Variants in LTC4S observed in about 807,000 individuals in gnomAD.
The protein encoded by LTC4S is LTC4 synthase.
LTC4S carries 18 observed loss-of-function variants against 19.6 expected under a neutral mutation model. That is an observed-to-expected ratio of 0.92 (90% CI 0.64 to 1.36). The LOEUF is 1.36. LTC4S is among the 40% of genes most tolerant of loss of function. The probability of loss-of-function intolerance (pLI) is 0.00; values close to 1 mark genes in which losing one functional copy is unlikely to be tolerated. For synonymous variants in LTC4S, 126 were observed against 110.1 expected (o/e 1.14, Z -0.91); for missense variants, 235 against 212.2 (o/e 1.11, Z -0.67).
chr5:179,796,463 C>T lies in LTC4S; in HGVS notation c.*69C>T. On this transcript the variant is annotated 3_prime_UTR_variant, in exon 5 of 5. Transcript: ENST00000292596. ...AGCCTCCAGCTGCCCCGGGGAGGGG[C>T]GCTCGCTTCCGCATCCTAGTCTCTA... The T allele has an allele frequency of 1.4e-6, 2 of 1,411,394 alleles. No homozygotes were observed. Among genetic ancestry groups the T allele is most frequent in the Admixed American group, 3.2e-5 (1 of 31,376 alleles). The allele number at this position is 1,411,394 out of a possible 1,614,324, so 87.4% of individuals were successfully genotyped here. A position where few individuals can be genotyped will look rare whatever the true frequency, so the allele number is the denominator to read the frequency against.
At chr5:179,796,222 G>A (rs1400735995) in intron 4 of LTC4S, 31 bp from the exon 5 acceptor site, 10 of 1,424,724 alleles carry the variant, frequency 7.0e-6, no homozygotes, top group Non-Finnish European at 9.2e-6. Flanking sequence ...GGGCCTCCTC[G>A]CGCCACCTCC....
intron 2 of LTC4S, 43 bp downstream of exon 2, chr5:179,795,726 G>A (rs752896378): frequency 2.6e-6 from 4 of 1,564,176 alleles, no homozygotes. Flanking sequence ...GCGAGCCCCA[G>A]GCGGGTCCGG....
chr5:179,796,531 G>A lies in LTC4S; in HGVS notation c.*137G>A, dbSNP rs1466801850. On this transcript the variant is annotated 3_prime_UTR_variant, in exon 5 of 5. Transcript: ENST00000292596. ...ACCGAGACCCGGGCTGCGTTCTCTG[G>A]GTCCGCGGGGGTGGCGCACCGCGGG... 7 of 1,248,638 alleles carry A rather than the reference G, an allele frequency of 5.6e-6. No homozygotes were observed. In the South Asian group the frequency reaches 6.6e-5, roughly 12 times the overall value. 77.3% of individuals were successfully genotyped at this position (1,248,638 alleles called of 1,614,324 possible). A position where few individuals can be genotyped will look rare whatever the true frequency, so the allele number is the denominator to read the frequency against.
In LTC4S at chr5:179,795,696, G is replaced by C; in HGVS notation, c.158+13G>C. 1 of 1,581,624 alleles carries C rather than the reference G, an allele frequency of 6.3e-7. No individual in the cohort carries two copies. Among genetic ancestry groups the C allele is most frequent in the Non-Finnish European group, 8.6e-7 (1 of 1,166,286 alleles). Reference sequence around the variant, plus strand: ...TCTACCGAGCCCAGTGAGGCGCGGCGGGAGGGCGCGGGGCGGGGAGCGAGC... The same window carrying C: ...TCTACCGAGCCCAGTGAGGCGCGGCCGGAGGGCGCGGGGCGGGGAGCGAGC... On this transcript the variant is annotated intron_variant, in intron 2 of 4. Transcript: ENST00000292596.
Position 179,796,285 on chromosome 5 carries a change from TCTGGCTGCTGGTGGCG to T in LTC4S, c.353_368del (p.Leu118ArgfsTer58), listed in dbSNP as rs1293247289. 2.0e-6 allele frequency: 3 copies of T among 1,471,442 alleles called. No individual in the cohort carries two copies. The highest frequency in any genetic ancestry group is 2.7e-6 in the Non-Finnish European group (3 of 1,117,876). 91.1% of individuals were successfully genotyped at this position (1,471,442 alleles called of 1,614,324 possible). A position where few individuals can be genotyped will look rare whatever the true frequency, so the allele number is the denominator to read the frequency against. On this transcript the variant is annotated frameshift_variant, in exon 5 of 5. Coordinates refer to ENST00000292596, the MANE Select transcript of LTC4S (RefSeq NM_145867.2). LOFTEE classifies it high-confidence loss of function. ...CCGCTGTACGCGAGCGCGCGCGCCCTCTGGCTGCTGGTGGCGCTGGCTGCGCTCGGCCTGCTCGCCC... is the reference window on the plus strand; with the variant it reads ...CCGCTGTACGCGAGCGCGCGCGCCCTCTGGCTGCGCTCGGCCTGCTCGCCC...
In LTC4S at chr5:179,795,574, C is replaced by A. The variant is rs145738814; in HGVS notation, c.59-10C>A. On this transcript the variant is annotated splice_polypyrimidine_tract_variant and intron_variant, in intron 1 of 4. Transcript: ENST00000292596. ...TCCAGACCTGACTCCCGCTCCCCCT[C>A]CTCCCCCAGCCTACTTCTCCCTGCA... is the stretch of plus-strand genomic sequence containing the variant. 8.3e-3 allele frequency: 13,338 copies of A among 1,605,352 alleles called. 104 individuals are homozygous for A. The highest frequency in any genetic ancestry group is 0.056 in the Middle Eastern group (336 of 6,046).
chr5:179,796,087 G>C (rs1756612505), intron 4 of LTC4S, 65 bp downstream of exon 4: 1 of 1,399,020 alleles, frequency 7.1e-7, no homozygotes. Context: ...GGCTCCTGGG[G>C]AGCGGGACCG....
Position 179,794,074 on chromosome 5 carries a change from C to T in LTC4S, c.-7C>T, listed in dbSNP as rs761669777. 59 of 1,613,568 alleles carry T rather than the reference C, an allele frequency of 3.7e-5. No individual in the cohort carries two copies. Among genetic ancestry groups the T allele is most frequent in the East Asian group, 4.5e-5 (2 of 44,900 alleles). On this transcript the variant is annotated 5_prime_UTR_variant, in exon 1 of 5. In the 5' UTR this introduces an upstream ATG that the reference lacks. Coordinates refer to ENST00000292596, the MANE Select transcript of LTC4S (RefSeq NM_145867.2). ...CACACAGCCCGTGCCACCACACCGACGGTACCATGAAGGACGAGGTAGCTC... is the reference window on the plus strand; with the variant it reads ...CACACAGCCCGTGCCACCACACCGATGGTACCATGAAGGACGAGGTAGCTC...
At position 179,796,494 on chromosome 5, in the gene LTC4S, A is replaced by G. The variant is rs1756633963; in HGVS notation, c.*100A>G. 1 of 1,353,128 alleles carries G rather than the reference A, an allele frequency of 7.4e-7. No homozygotes were observed. Among genetic ancestry groups the G allele is most frequent in the East Asian group, 3.2e-5 (1 of 31,604 alleles). The allele number at this position is 1,353,128 out of a possible 1,614,324, so 83.8% of individuals were successfully genotyped here. A position where few individuals can be genotyped will look rare whatever the true frequency, so the allele number is the denominator to read the frequency against. Reference sequence around the variant, plus strand: ...CTTCCGCATCCTAGTCTCTATCATTAAAGTTCTAGTGACCGAGACCCGGGC... The same window carrying G: ...CTTCCGCATCCTAGTCTCTATCATTGAAGTTCTAGTGACCGAGACCCGGGC... On this transcript the variant is annotated 3_prime_UTR_variant, in exon 5 of 5. Coordinates refer to ENST00000292596, the MANE Select transcript of LTC4S (RefSeq NM_145867.2).
At chr5:179,795,475 G>A in intron 1 of LTC4S, 109 bp from the exon 2 acceptor site, 3 of 1,521,418 alleles carry the variant, frequency 2.0e-6, no homozygotes, top group Non-Finnish European at 2.6e-6. Context: ...TCCGCCTTAG[G>A]GAGGAGAGGA....
Position 179,796,014 on chromosome 5 carries a change from G to A in LTC4S, c.303G>A (p.Ala101=). The change falls in exon 4 of 5, where the codon GCG becomes GCA. Residue 101 remains alanine, a synonymous_variant. Transcript: ENST00000292596. ...ACTTCCAGGGCTACGCGCGCTCCGC[G>A]CAGCTCAGGTGAGGGCCGGGCGGGG... ...LRYFQGYARS[A]QLRLAPLYAS... The A allele has an allele frequency of 3.3e-6, 5 of 1,530,958 alleles. No homozygotes were observed. The highest frequency in any genetic ancestry group is 2.6e-6 in the Non-Finnish European group (3 of 1,145,014). The allele number at this position is 1,530,958 out of a possible 1,614,324, so 94.8% of individuals were successfully genotyped here.
In LTC4S at chr5:179,795,608, C is replaced by T. The variant is rs368527006; in HGVS notation, c.83C>T (p.Ser28Leu). 13 of 1,610,162 alleles carry T rather than the reference C, an allele frequency of 8.1e-6. No homozygotes were observed. The African/African-American group carries it at 1.6e-4, about 20-fold the overall frequency. Residue 28 changes from serine (S) to leucine (L), a missense_variant, in exon 2 of 5, where the codon TCG becomes TTG. Physicochemically the swap from Ser to Leu is moderately radical, Grantham distance 145. Coordinates refer to ENST00000292596, the MANE Select transcript of LTC4S (RefSeq NM_145867.2). ...LQAYFSLQVISARRAFRVSPP... is the reference protein window; with the variant it reads ...LQAYFSLQVILARRAFRVSPP... ...GCCTACTTCTCCCTGCAGGTGATCT[C>T]GGCGCGCAGGGCCTTCCGCGTGTCG...
chr5:179,796,176 G>C (rs1361512262), intron 4 of LTC4S, 77 bp from the exon 5 acceptor site: 1 of 1,292,510 alleles, frequency 7.7e-7, no homozygotes, highest in Non-Finnish European at 1.0e-6. Context: ...GCCAGAGGAA[G>C]TCCCCGTGGG....
rs1756622614 is a variant in LTC4S, at chr5:179,796,298, G to GGCGCTGGCT, written c.363_371dup (p.Ala122_Leu124dup). The GGCGCTGGCT allele has an allele frequency of 1.4e-6, 2 of 1,473,468 alleles. No individual in the cohort carries two copies. The highest frequency in any genetic ancestry group is 1.5e-5 in the African/African-American group (1 of 68,126). 91.3% of individuals were successfully genotyped at this position (1,473,468 alleles called of 1,614,324 possible). ...GCGCGCGCGCCCTCTGGCTGCTGGT[G>GGCGCTGGCT]GCGCTGGCTGCGCTCGGCCTGCTCG... On this transcript the variant is annotated inframe_insertion, in exon 5 of 5. Transcript: ENST00000292596.
intron 3 of LTC4S, 29 bp downstream of exon 3, chr5:179,795,885 C>A: frequency 6.3e-7 from 1 of 1,599,330 alleles, no homozygotes; most frequent in Non-Finnish European, 8.5e-7. Context: ...GGCGCACGCG[C>A]TGGACCCCCG....
At position 179,795,194 on chromosome 5, in the gene LTC4S, C is replaced by T. The variant is rs186263070; in HGVS notation, c.59-390C>T. On this transcript the variant is annotated intron_variant, in intron 1 of 4. Transcript: ENST00000292596. ...GCAGCCAGCTCTGCCCTCAGACTCCCGAGGCACTTCCTGGCCAGGGACCTG... is the reference window on the plus strand; with the variant it reads ...GCAGCCAGCTCTGCCCTCAGACTCCTGAGGCACTTCCTGGCCAGGGACCTG... The T allele has an allele frequency of 5.5e-5, 15 of 274,766 alleles. No individual in the cohort carries two copies. The Admixed American group carries it at 7.3e-4, about 13-fold the overall frequency. 17.0% of individuals were successfully genotyped at this position (274,766 alleles called of 1,614,324 possible).
rs1478251187 is a variant in LTC4S, at chr5:179,796,373, G to GAC, written c.433_434dup (p.Leu146ArgfsTer36). On this transcript the variant is annotated frameshift_variant, in exon 5 of 5. Transcript: ENST00000292596. LOFTEE classifies it high-confidence loss of function. ...GCGCCGCGCTCCTCGGACGGCTCCG[G>GAC]ACGCTGCTGCCGTGGGCCTGAGACC... 6.7e-7 allele frequency: 1 copy of GAC among 1,497,888 alleles called. No individual in the cohort carries two copies. The highest frequency in any genetic ancestry group is 2.8e-5 in the East Asian group (1 of 36,322). The allele number at this position is 1,497,888 out of a possible 1,614,324, so 92.8% of individuals were successfully genotyped here. A position where few individuals can be genotyped will look rare whatever the true frequency, so the allele number is the denominator to read the frequency against.
rs1756606104 is a variant in LTC4S at position 179,796,008 on chromosome 5, C to G, written c.297C>G (p.Arg99=). 1 of 1,530,746 alleles carries G rather than the reference C, an allele frequency of 6.5e-7. No homozygotes were observed. The highest frequency in any genetic ancestry group is 2.5e-5 in the East Asian group (1 of 40,610). The allele number at this position is 1,530,746 out of a possible 1,614,324, so 94.8% of individuals were successfully genotyped here. Residue 99 remains arginine, a synonymous_variant, in exon 4 of 5, where the codon CGC becomes CGG. Coordinates refer to ENST00000292596, the MANE Select transcript of LTC4S (RefSeq NM_145867.2). ...ARLRYFQGYA[R]SAQLRLAPLY... is the part of the protein sequence containing the mutation. ...TCCGCTACTTCCAGGGCTACGCGCG[C>G]TCCGCGCAGCTCAGGTGAGGGCCGG... is the stretch of plus-strand genomic sequence containing the variant.
Position 179,794,031 on chromosome 5 carries a change from T to C in LTC4S, c.-50T>C. ...TCTGAGCAGCAGACGGGGCTAAGCG[T>C]TCCCCAGCTCGCCTTCACACACAGC... On this transcript the variant is annotated 5_prime_UTR_variant, in exon 1 of 5. Coordinates refer to ENST00000292596, the MANE Select transcript of LTC4S (RefSeq NM_145867.2). 6.2e-7 allele frequency: 1 copy of C among 1,612,732 alleles called. No homozygotes were observed. Among genetic ancestry groups the C allele is most frequent in the Non-Finnish European group, 8.5e-7 (1 of 1,179,588 alleles).
Sources: allele counts gnomAD v4.1 joint callset, GRCh38; gene constraint gnomAD v4.1.1; transcripts MANE v1.5; gene names NCBI Gene and HGNC (gene_info 2026-07-23, HGNC 2026-07-21).